Variants in NWD2 observed in about 807,000 individuals in gnomAD.
NWD2 encodes the protein NACHT and WD repeat domain containing 2, also known as NACHT and WD repeat domain-containing protein 2.
Under a neutral mutation model 132.7 loss-of-function variants are expected in NWD2, and 37 were observed. The observed-to-expected ratio is 0.28, with a 90% confidence interval of 0.21 to 0.37. The LOEUF (loss-of-function observed/expected upper bound fraction) is 0.37, where lower values mean the gene tolerates loss of function less well. NWD2 is among the 10% of genes least tolerant of loss of function. NWD2 has a pLI of 1.00. For missense variants in NWD2, 1,592 were observed against 2,122.4 expected (o/e 0.75, Z 4.91); for synonymous variants, 705 against 803.0 (o/e 0.88, Z 2.06).
chr4:37,290,984 A>C (rs938845486), intron 1 of NWD2, among the ~76,000 whole-genome samples: 1 of 152,184 alleles, frequency 6.6e-6, no homozygotes, highest in Non-Finnish European at 1.5e-5. Flanking sequence ...GGACTTCTTA[A>C]AGTTTGCAGC....
intron 3 of NWD2, among the ~76,000 whole-genome samples, chr4:37,399,897 C>T (rs116271200): frequency 0.032 from 4,853 of 152,276 alleles, 86 homozygotes; most frequent in Middle Eastern, 0.065. Context: ...GGTGTTTTAA[C>T]AAGCTCACCA....
chr4:37,397,301 G>A (rs1451348807), intron 3 of NWD2, among the ~76,000 whole-genome samples: 9 of 152,106 alleles, frequency 5.9e-5, no homozygotes, highest in East Asian at 3.9e-4. Context: ...CAAATTCACC[G>A]GGCCAGAGTA....
chr4:37,418,412 G>T (rs80271578), intron 3 of NWD2, among the ~76,000 whole-genome samples: 1 of 151,960 alleles, frequency 6.6e-6, no homozygotes, highest in Non-Finnish European at 1.5e-5. Flanking sequence ...TCTAAAAGAG[G>T]GGGGCATAAC....
chr4:37,400,751 T>C (rs1262094589), intron 3 of NWD2, among the ~76,000 whole-genome samples: 2 of 152,234 alleles, frequency 1.3e-5, no homozygotes, highest in African/African-American at 4.8e-5. Context: ...GAAATGAGAA[T>C]TGGAAAAGCC....
intron 3 of NWD2, among the ~76,000 whole-genome samples, chr4:37,362,649 A>C (rs139298171): frequency 1.3e-5 from 2 of 152,154 alleles, no homozygotes; most frequent in African/African-American, 4.8e-5. Context: ...CCTATCCTTC[A>C]CCATACACAA....
intron 1 of NWD2, among the ~76,000 whole-genome samples, chr4:37,295,990 C>T (rs539686202): frequency 6.6e-6 from 1 of 152,272 alleles, no homozygotes; most frequent in Admixed American, 6.5e-5. Context: ...CACAGACATG[C>T]ACTGAGCAAT....
chr4:37,445,217 G>A lies in NWD2; in HGVS notation c.3229G>A (p.Ala1077Thr), dbSNP rs1209601450. Residue 1077 changes from alanine to threonine, a missense_variant, in exon 7 of 7, where the codon GCC becomes ACC. Ala to Thr is a moderately conservative substitution (Grantham distance 58). Transcript: ENST00000309447. This position sits in a 1 kb window ranked among gnomAD's most constrained non-coding sequence, Gnocchi z 4.7. Reference protein sequence around the residue: ...SANHALAWLEASKDVTVIDLL... With the variant: ...SANHALAWLETSKDVTVIDLL... ...CAACCACGCCCTTGCATGGCTCGAA[G>A]CCAGCAAAGATGTCACTGTCATCGA... 2.6e-6 allele frequency: 4 copies of A among 1,551,782 alleles called. No individual in the cohort carries two copies. The African/African-American group carries it at 5.5e-5, about 21-fold the overall frequency.
At chr4:37,430,523 T>A (rs931509237) in intron 3 of NWD2, 49 bp from the exon 4 acceptor site, 1 of 1,332,120 alleles carries the variant, frequency 7.5e-7, no homozygotes, top group Admixed American at 2.0e-5. Flanking sequence ...AATACTAAAA[T>A]GAACTTTCTT....
chr4:37,430,842 C>T (rs762323831), intron 4 of NWD2, 67 bp downstream of exon 4: 27 of 1,383,538 alleles, frequency 2.0e-5, no homozygotes, highest in East Asian at 2.5e-5. Flanking sequence ...TTATGTCATC[C>T]GGGGTGGTGC....
At position 37,412,906 on chromosome 4, in the gene NWD2, G is replaced by A. The variant is rs569921452; in HGVS notation, c.358-17666G>A. Among the ~76,000 whole-genome samples the A allele has an allele frequency of 1.1e-4, 16 of 152,348 alleles. No homozygotes were observed. The East Asian group carries it at 2.1e-3, about 20-fold the overall frequency. ...AAACATTCCCTATTTAATGAATGGT[G>A]TTGGGAAAACTGGCTAGCCATATGC... On this transcript the variant is annotated intron_variant, in intron 3 of 6. Coordinates refer to ENST00000309447, the MANE Select transcript of NWD2 (RefSeq NM_001144990.2).
chr4:37,398,626 C>T (rs987360394), intron 3 of NWD2, among the ~76,000 whole-genome samples: 1 of 152,184 alleles, frequency 6.6e-6, no homozygotes, highest in Admixed American at 6.5e-5. Flanking sequence ...TTGCCACAAC[C>T]TTTGGCCCCT....
In NWD2 at chr4:37,445,598, G is replaced by A. The variant is rs1294484900; in HGVS notation, c.3610G>A (p.Val1204Ile). 4 of 1,552,268 alleles carry A rather than the reference G, an allele frequency of 2.6e-6. No individual in the cohort carries two copies. Among genetic ancestry groups the A allele is most frequent in the Non-Finnish European group, 2.6e-6 (3 of 1,147,142 alleles). ...SIELSEDQSA[V>I]LICKALSIEL... is the part of the protein sequence containing the mutation. ...TGAGCTTTCAGAAGACCAAAGTGCA[G>A]TTCTGATCTGTAAAGCCCTCAGCAT... The change falls in exon 7 of 7, where the codon GTT becomes ATT. Residue 1204 changes from valine to isoleucine, a missense_variant. Val to Ile is a conservative substitution (Grantham distance 29, BLOSUM62 3). Transcript: ENST00000309447. The surrounding 1 kb of genome is among the most constrained non-coding windows in gnomAD (Gnocchi z 4.7).
chr4:37,395,604 A>AAAAAAAAAAG (rs1720772848), intron 3 of NWD2, among the ~76,000 whole-genome samples: 1 of 149,138 alleles, frequency 6.7e-6, no homozygotes, highest in Non-Finnish European at 1.5e-5. Flanking sequence ...AAAAAAAAAA[A>AAAAAAAAAAG]AAAAAGAGTC....
chr4:37,414,129 G>GA (rs201561389), intron 3 of NWD2, among the ~76,000 whole-genome samples: 9 of 151,276 alleles, frequency 5.9e-5, no homozygotes, highest in Admixed American at 2.0e-4. Flanking sequence ...ATAAAAAAAA[G>GA]AAAAAAAAGA....
chr4:37,310,195 G>A lies in NWD2; in HGVS notation c.152-15741G>A, dbSNP rs186207083. 3.7e-4 allele frequency among the ~76,000 whole-genome samples: 57 copies of A among 152,284 alleles called. 2 individuals are homozygous for A. The highest frequency in any genetic ancestry group is 4.9e-4 in the Non-Finnish European group (33 of 68,016). ...AGAATATAATCTAAAGCTGTCCTCA[G>A]ATCTCTTATTTTCCAAGATTTCTGC... On this transcript the variant is annotated intron_variant, in intron 1 of 6. Transcript: ENST00000309447.
chr4:37,323,329 A>G (rs1366697132), intron 1 of NWD2, among the ~76,000 whole-genome samples: 14 of 152,200 alleles, frequency 9.2e-5, no homozygotes. Context: ...TCCAGAATCT[A>G]TAAGAAACTT....
intron 2 of NWD2, among the ~76,000 whole-genome samples, chr4:37,354,291 G>A (rs1719827360): frequency 6.6e-6 from 1 of 152,178 alleles, no homozygotes; most frequent in Non-Finnish European, 1.5e-5. Context: ...CCCATGCTGG[G>A]AGCTGTCTCC....
intron 1 of NWD2, among the ~76,000 whole-genome samples, chr4:37,325,533 GTGTA>G (rs1177324798): frequency 1.3e-5 from 2 of 152,312 alleles, no homozygotes; most frequent in East Asian, 3.9e-4. Context: ...ATCAACGTGT[GTGTA>G]TGTATGTGTG....
In NWD2 at chr4:37,344,954, T is replaced by C. The variant is rs1432055869; in HGVS notation, c.241-11412T>C. 2.0e-5 allele frequency among the ~76,000 whole-genome samples: 3 copies of C among 152,346 alleles called. No individual in the cohort carries two copies. The East Asian group carries it at 5.8e-4, about 29-fold the overall frequency. On this transcript the variant is annotated intron_variant, in intron 2 of 6. Transcript: ENST00000309447. ...ATTTGCCTATTCTGCACATTTCATG[T>C]AAATGGAATCATACAATATGTGGTC...
Sources: gnomAD v4.1 joint callset for allele counts (sites outside exome capture counted in the v4.1 genomes callset) on GRCh38, gnomAD v4.1.1 for gene constraint, Gnocchi (gnomAD v3.1) non-coding constraint, MANE v1.5 for transcripts, NCBI Gene and HGNC (gene_info 2026-07-23, HGNC 2026-07-21) for gene names.